The following DIAPH2 variants were observed in gnomAD, a reference collection of about 807,000 sequenced individuals.
DIAPH2 encodes the protein protein diaphanous homolog 2.
A neutral mutation model predicts 92.7 loss-of-function variants in DIAPH2; 35 were observed. That is an observed-to-expected ratio of 0.38 (90% CI 0.29 to 0.50). DIAPH2 has a LOEUF of 0.50. Among genes scored for constraint, DIAPH2 ranks in the 20% least tolerant of loss-of-function variants. DIAPH2 has a pLI of 0.94. For synonymous variants in DIAPH2, 301 were observed against 280.4 expected, an observed-to-expected ratio of 1.07 and a Z score of -0.73; for missense variants, 701 against 819.5, an observed-to-expected ratio of 0.86 and a Z score of 1.77.
intron 21 of DIAPH2, among the ~76,000 whole-genome samples, chrX:97,125,197 G>A (rs1423434057): frequency 1.8e-5 from 2 of 111,123 alleles, no homozygotes; most frequent in Non-Finnish European, 3.8e-5. Context: ...CAAACTGGCC[G>A]GGCGCGGTGG....
chrX:96,974,955 A>G (rs1009268464), intron 17 of DIAPH2, among the ~76,000 whole-genome samples: 3 of 111,842 alleles, frequency 2.7e-5, no homozygotes, highest in Non-Finnish European at 5.6e-5. Flanking sequence ...TAGAAGTTGT[A>G]AGCAATTTCT....
intron 22 of DIAPH2, among the ~76,000 whole-genome samples, chrX:97,208,269 A>T (rs2067813669): frequency 8.9e-6 from 1 of 112,324 alleles, no homozygotes; most frequent in Admixed American, 9.5e-5. Context: ...AGTGATAAGA[A>T]TATAATAGTA....
At chrX:96,991,145 G>A (rs748127342) in intron 17 of DIAPH2, among the ~76,000 whole-genome samples, 3 of 104,783 alleles carry the variant, frequency 2.9e-5, no homozygotes, top group South Asian at 4.3e-4. Context: ...ATGAAGTTTC[G>A]CTCTTGTTAC....
intron 26 of DIAPH2, among the ~76,000 whole-genome samples, chrX:97,542,755 G>A (rs1367657995): frequency 9.0e-6 from 1 of 111,056 alleles, no homozygotes; most frequent in Non-Finnish European, 1.9e-5. Flanking sequence ...ATATCATTAC[G>A]TATCCTGGAA....
In DIAPH2 at chrX:97,215,492, G is replaced by A. The variant is rs2067875943; in HGVS notation, c.2720-32223G>A. ...ATCACTGTCTGTGGAAAAGAGAAAT[G>A]GGAATTAAGTTATTTGCTCACCATC... On this transcript the variant is annotated intron_variant, in intron 22 of 26. Coordinates refer to ENST00000324765, the MANE Select transcript of DIAPH2 (RefSeq NM_006729.5). Among the ~76,000 whole-genome samples, 3 of 111,922 alleles carry A rather than the reference G, an allele frequency of 2.7e-5. No individual in the cohort carries two copies. The South Asian group carries it at 1.1e-3, about 43-fold the overall frequency.
At chrX:96,865,651 A>G (rs2065100140) in intron 4 of DIAPH2, among the ~76,000 whole-genome samples, 1 of 111,882 alleles carries the variant, frequency 8.9e-6, no homozygotes, top group Admixed American at 9.4e-5. Flanking sequence ...CATAGTTTGG[A>G]TCTCTCATAC....
At chrX:96,935,366 A>G (rs1267505356) in intron 10 of DIAPH2, among the ~76,000 whole-genome samples, 1 of 111,575 alleles carries the variant, frequency 9.0e-6, no homozygotes, top group Non-Finnish European at 1.9e-5. Flanking sequence ...GTATATATGA[A>G]TATATATTTA....
At chrX:97,240,605 C>CAAAAAAAAAAAAAAAAAAAAAAAAAAAA (rs774748522) in intron 22 of DIAPH2, among the ~76,000 whole-genome samples, 1 of 67,964 alleles carries the variant, frequency 1.5e-5, no homozygotes, top group African/African-American at 5.8e-5. Flanking sequence ...GACTGCATCT[C>CAAAAAAAAAAAAAAAAAAAAAAAAAAAA]AAAAAAAAAA....
At chrX:96,871,061 C>A (rs988729648) in intron 4 of DIAPH2, among the ~76,000 whole-genome samples, 1 of 112,153 alleles carries the variant, frequency 8.9e-6, no homozygotes, top group Non-Finnish European at 1.9e-5. Flanking sequence ...TTAAACAGTA[C>A]AATGAAGAGA....
intron 22 of DIAPH2, among the ~76,000 whole-genome samples, chrX:97,153,527 A>T (rs904100983): frequency 1.3e-4 from 14 of 110,940 alleles, no homozygotes; most frequent in Admixed American, 1.1e-3. Flanking sequence ...GGAGGTTGCA[A>T]TGAGCCGAGA....
chrX:96,834,996 T>G lies in DIAPH2; in HGVS notation c.448-46583T>G, dbSNP rs144756577. Among the ~76,000 whole-genome samples, 452 of 111,632 alleles carry G rather than the reference T, an allele frequency of 4.0e-3. 4 individuals carry two copies. The highest frequency in any genetic ancestry group is 0.014 in the African/African-American group (420 of 30,798). Reference sequence around the variant, plus strand: ...ACTAGTTGATCAGTTATTTATTGAGTTTTTGTTATTTACTCAACACTACAA... The same window carrying G: ...ACTAGTTGATCAGTTATTTATTGAGGTTTTGTTATTTACTCAACACTACAA... On this transcript the variant is annotated intron_variant, in intron 4 of 26. Transcript: ENST00000324765.
chrX:96,844,090 G>A (rs1476825626), intron 4 of DIAPH2, among the ~76,000 whole-genome samples: 1 of 112,135 alleles, frequency 8.9e-6, no homozygotes, highest in African/African-American at 3.2e-5. Flanking sequence ...TGGCGGAATA[G>A]CATCCAAATA....
intron 5 of DIAPH2, among the ~76,000 whole-genome samples, chrX:96,906,829 T>C (rs954965628): frequency 1.8e-5 from 2 of 112,074 alleles, no homozygotes; most frequent in Admixed American, 9.4e-5. Flanking sequence ...CCCTGATAGA[T>C]ACAGCCAAAC....
intron 26 of DIAPH2, among the ~76,000 whole-genome samples, chrX:97,591,769 G>A (rs1273083048): frequency 9.0e-6 from 1 of 111,639 alleles, no homozygotes; most frequent in Non-Finnish European, 1.9e-5. Context: ...TAGATATGCA[G>A]GCATCCTCAT....
At chrX:97,300,931 T>TAAAAAAAAAAAAAAAAAA (rs774601881) in intron 23 of DIAPH2, among the ~76,000 whole-genome samples, 1 of 10,791 alleles carries the variant, frequency 9.3e-5, no homozygotes, top group Non-Finnish European at 1.6e-4. Context: ...GACTCCGTCT[T>TAAAAAAAAAAAAAAAAAA]AAAAAAAAAA....
intron 26 of DIAPH2, chrX:97,453,940 A>G: frequency 9.0e-6 from 1 of 111,481 alleles, no homozygotes; most frequent in Non-Finnish European, 1.9e-5. Flanking sequence ...GGAACACTTC[A>G]CCTCTCTGAA....
In DIAPH2 at chrX:96,945,546, G is replaced by A. The variant is rs375900282; in HGVS notation, c.1464G>A (p.Ala488=). The change falls in exon 14 of 27, where the codon GCG becomes GCA. Residue 488 remains alanine, a synonymous_variant. Transcript: ENST00000324765. The stretch of plus-strand genomic sequence containing the variant: ...TAATAGATTCTTGTGTGAACAAGGC[G>A]AAAGTTGAAGAAAGTGAACAAAAAG... The part of the protein sequence containing the change: ...THLIDSCVNK[A]KVEESEQKAA... The A allele has an allele frequency of 2.0e-5, 23 of 1,153,868 alleles. No homozygotes were observed. Among genetic ancestry groups the A allele is most frequent in the African/African-American group, 1.1e-4 (6 of 53,278 alleles).
intron 22 of DIAPH2, among the ~76,000 whole-genome samples, chrX:97,207,614 T>G (rs1251732283): frequency 1.8e-5 from 2 of 111,451 alleles, no homozygotes; most frequent in Non-Finnish European, 3.8e-5. Context: ...AACTAGGAAG[T>G]GTCAGAGCCA....
In DIAPH2 at chrX:97,145,884, C is replaced by T. The variant is rs183854937; in HGVS notation, c.2719+4090C>T. ...CCATTTTTATTCCTTTATAATAATC[C>T]TGTCTCTGTGTACGATTTCATGCTG... On this transcript the variant is annotated intron_variant, in intron 22 of 26. Coordinates refer to ENST00000324765, the MANE Select transcript of DIAPH2 (RefSeq NM_006729.5). Among the ~76,000 whole-genome samples, 497 of 109,793 alleles carry T rather than the reference C, an allele frequency of 4.5e-3. 4 individuals carry two copies. The highest frequency in any genetic ancestry group is 0.016 in the African/African-American group (481 of 30,327).
Sources: gnomAD v4.1 joint callset for allele counts (sites outside exome capture counted in the v4.1 genomes callset) on GRCh38, gnomAD v4.1.1 for gene constraint, MANE v1.5 for transcripts, NCBI Gene and HGNC (gene_info 2026-07-23, HGNC 2026-07-21) for gene names.